DCAF1: variants seen among roughly 807,000 people sequenced by gnomAD.
DCAF1 encodes the protein DDB1 and CUL4 associated factor 1.
A neutral mutation model predicts 128.0 loss-of-function variants in DCAF1; 15 were observed. The observed-to-expected ratio is 0.12, with a 90% CI of 0.08 to 0.18. The LOEUF (loss-of-function observed/expected upper bound fraction) is 0.18. Among genes scored for constraint, DCAF1 ranks in the 10% least tolerant of loss-of-function variants. The probability of loss-of-function intolerance (pLI) is 1.00; values close to 1 mark genes in which losing one functional copy is unlikely to be tolerated. For missense variants in DCAF1, 988 were observed against 1,649.5 expected, an observed-to-expected ratio of 0.60 and a Z score of 6.95; for synonymous variants, 610 against 603.0, an observed-to-expected ratio of 1.01 and a Z score of -0.17.
At chr3:51,500,116 GAAAAAAAAAAAAAA>G (rs55767863), upstream of DCAF1, 127 of 27,856 alleles carry the variant, frequency 4.6e-3, 1 homozygote, top group African/African-American at 0.013. Flanking sequence ...CACGATCGGG[GAAAAAAAAAAAAAA>G]AAAAAAAAAA....
chr3:51,416,628 G>A (rs1698903634), intron 18 of DCAF1, among the ~76,000 whole-genome samples, 159 bp downstream of exon 18: 2 of 152,080 alleles, frequency 1.3e-5, no homozygotes, highest in South Asian at 4.1e-4. Context: ...TTCCCATACA[G>A]CTCAGAACTA....
intron 2 of DCAF1, among the ~76,000 whole-genome samples, chr3:51,491,053 A>C (rs1553657741): frequency 6.6e-6 from 1 of 151,746 alleles, no homozygotes; most frequent in African/African-American, 2.4e-5. Flanking sequence ...AAAAAAAAAA[A>C]AAAAACAAAG....
intron 7 of DCAF1, 130 bp downstream of exon 7, chr3:51,443,636 C>A: frequency 2.6e-6 from 2 of 775,916 alleles, no homozygotes; most frequent in South Asian, 4.4e-5. Flanking sequence ...CTTATGGAAA[C>A]TAATATTGAA....
chr3:51,441,094 G>A, intron 8 of DCAF1, 23 bp from the exon 9 acceptor site: 1 of 1,588,796 alleles, frequency 6.3e-7, no homozygotes, highest in Non-Finnish European at 8.6e-7. Context: ...CCAAATACAA[G>A]TCTTAAATTT....
intron 3 of DCAF1, among the ~76,000 whole-genome samples, chr3:51,472,340 T>C (rs1704851015): frequency 6.6e-6 from 1 of 152,182 alleles, no homozygotes; most frequent in Non-Finnish European, 1.5e-5. Flanking sequence ...TTCATCTGCT[T>C]TCTCTCACTA....
intron 13 of DCAF1, among the ~76,000 whole-genome samples, chr3:51,426,044 C>G (rs1699880846): frequency 1.3e-5 from 2 of 152,214 alleles, no homozygotes; most frequent in Admixed American, 6.5e-5. Context: ...TTTGCACTCT[C>G]ATTCTCTCAT....
intron 9 of DCAF1, among the ~76,000 whole-genome samples, chr3:51,437,107 A>T (rs1700902933): frequency 6.6e-6 from 1 of 151,938 alleles, no homozygotes. Flanking sequence ...CACAAAAAAT[A>T]AAAAAAGTAG....
rs1699697101 is a variant in DCAF1, at chr3:51,424,200, G to C, written c.1848-1769C>G. Among the ~76,000 whole-genome samples, 8 of 152,186 alleles carry C rather than the reference G, an allele frequency of 5.3e-5. No homozygotes were observed. The South Asian group carries it at 1.7e-3, about 32-fold the overall frequency. On this transcript the variant is annotated intron_variant, in intron 13 of 24. Coordinates refer to ENST00000684031, the MANE Select transcript of DCAF1 (RefSeq NM_001387579.1). ...GTGGATCACGAGGTCAGGAGTTCAA[G>C]ACCAGCCTGGCCAATATGGTGAAAC... is the stretch of plus-strand genomic sequence containing the variant.
intron 10 of DCAF1, among the ~76,000 whole-genome samples, chr3:51,432,750 C>T (rs1700501169): frequency 2.0e-5 from 3 of 152,208 alleles, no homozygotes; most frequent in South Asian, 4.2e-4. Context: ...TGAGCCACTG[C>T]GCCCGGCCTG....
intron 1 of DCAF1, among the ~76,000 whole-genome samples, chr3:51,497,958 G>C (rs978959508): frequency 7.0e-6 from 1 of 143,526 alleles, no homozygotes; most frequent in East Asian, 2.2e-4. Flanking sequence ...GCTGAGGCAC[G>C]AGAATGGCGT....
intron 6 of DCAF1, among the ~76,000 whole-genome samples, chr3:51,454,018 T>G (rs1702621761): frequency 6.6e-6 from 1 of 151,840 alleles, no homozygotes; most frequent in African/African-American, 2.4e-5. Flanking sequence ...AAAGCTAAGA[T>G]AGAAAATATT....
At chr3:51,472,647 G>A (rs1704891017) in intron 3 of DCAF1, among the ~76,000 whole-genome samples, 1 of 151,728 alleles carries the variant, frequency 6.6e-6, no homozygotes, top group Non-Finnish European at 1.5e-5. Flanking sequence ...CTGAATGTAT[G>A]AAAAGTTCTG....
intron 24 of DCAF1, among the ~76,000 whole-genome samples, chr3:51,400,352 G>T (rs1037374648): frequency 6.6e-6 from 1 of 152,104 alleles, no homozygotes; most frequent in Non-Finnish European, 1.5e-5. Context: ...TGGTCCCTGC[G>T]GCAGCATCCA....
At position 51,416,874 on chromosome 3, in the gene DCAF1, A is replaced by G. The variant is rs1440542099; in HGVS notation, c.3519-3T>C. Reference sequence around the variant, plus strand: ...AGTGATCTTCTGTGAAGGAATGCCTATGGACAAACAACAGGAGCACTGAAG... The same window carrying G: ...AGTGATCTTCTGTGAAGGAATGCCTGTGGACAAACAACAGGAGCACTGAAG... On this transcript the variant is annotated splice_polypyrimidine_tract_variant and splice_region_variant and intron_variant, in intron 17 of 24. Coordinates refer to ENST00000684031, the MANE Select transcript of DCAF1 (RefSeq NM_001387579.1). The G allele has an allele frequency of 3.7e-6, 6 of 1,604,922 alleles. No individual in the cohort carries two copies. Among genetic ancestry groups the G allele is most frequent in the Non-Finnish European group, 5.1e-6 (6 of 1,175,534 alleles).
chr3:51,485,008 C>T (rs947335669), intron 2 of DCAF1, among the ~76,000 whole-genome samples: 4 of 152,098 alleles, frequency 2.6e-5, no homozygotes, highest in South Asian at 2.1e-4. Flanking sequence ...CTCTGCCTCC[C>T]GGGTTCAAGC....
rs756746298 is a variant in DCAF1 at position 51,456,316 on chromosome 3, A to T, written c.375+6798T>A. On this transcript the variant is annotated intron_variant, in intron 6 of 24. Transcript: ENST00000684031. ...ACAGAGTCTCCCTCATTGCTAGCACAGCAGTCCCAGATCAAACTGCAAGGA... is the reference window on the plus strand; with the variant it reads ...ACAGAGTCTCCCTCATTGCTAGCACTGCAGTCCCAGATCAAACTGCAAGGA... Among the ~76,000 whole-genome samples the T allele has an allele frequency of 4.6e-5, 7 of 152,324 alleles. 1 individual carries two copies. In the South Asian group the frequency reaches 1.4e-3, roughly 32 times the overall value.
intron 6 of DCAF1, among the ~76,000 whole-genome samples, chr3:51,444,877 G>A (rs551706851): frequency 4.1e-4 from 62 of 150,698 alleles, no homozygotes; most frequent in Admixed American, 9.9e-4. Context: ...GGGTTTCACC[G>A]TGTTAGCCAG....
chr3:51,415,785 G>A (rs1698826617), intron 18 of DCAF1, among the ~76,000 whole-genome samples: 1 of 151,968 alleles, frequency 6.6e-6, no homozygotes, highest in African/African-American at 2.4e-5. Flanking sequence ...GAGATGGGGG[G>A]AGTCTCTCTA....
intron 9 of DCAF1, chr3:51,436,408 C>A (rs782187141): frequency 7.7e-6 from 4 of 520,092 alleles, no homozygotes; most frequent in South Asian, 4.2e-5. Context: ...CCAATGGGAT[C>A]CTTCTGAGGA....
Sources: allele counts gnomAD v4.1 joint callset (sites outside exome capture counted in the v4.1 genomes callset), GRCh38; gene constraint gnomAD v4.1.1; transcripts MANE v1.5; gene names NCBI Gene and HGNC (gene_info 2026-07-23, HGNC 2026-07-21).